Variants in RUFY4 observed in about 807,000 individuals in gnomAD.
RUFY4 encodes the protein RUN and FYVE domain-containing protein 4.
A neutral mutation model predicts 69.0 loss-of-function variants in RUFY4; 73 were observed. The ratio of observed to expected loss-of-function variants is 1.06; its 90% CI spans 0.88 to 1.29. The LOEUF (loss-of-function observed/expected upper bound fraction) is 1.29, where lower values mean the gene tolerates loss of function less well. RUFY4 is among the 50% of genes most tolerant of loss of function. The probability of loss-of-function intolerance (pLI) is 0.00; values close to 1 mark genes in which losing one functional copy is unlikely to be tolerated. For synonymous variants in RUFY4, 287 were observed against 271.8 expected (o/e 1.06, Z -0.55); for missense variants, 770 against 705.6 (o/e 1.09, Z -1.03).
upstream of RUFY4, among the ~76,000 whole-genome samples, chr2:218,069,900 T>C (rs1689440678): frequency 6.6e-6 from 1 of 151,920 alleles, no homozygotes; most frequent in Admixed American, 6.6e-5. Flanking sequence ...GAGGATGAGA[T>C]CCCCCTGGAG....
In RUFY4 at chr2:218,073,691, G is replaced by C. The variant is rs1314292510; in HGVS notation, c.531-125G>C. 4 of 1,024,166 alleles carry C rather than the reference G, an allele frequency of 3.9e-6. No individual in the cohort carries two copies. In the African/African-American group the frequency reaches 4.8e-5, roughly 12 times the overall value. The allele number at this position is 1,024,166 out of a possible 1,614,324, so 63.4% of individuals were successfully genotyped here. On this transcript the variant is annotated intron_variant, in intron 5 of 10. Coordinates refer to ENST00000344321, the Ensembl canonical transcript of RUFY4. Reference sequence around the variant, plus strand: ...TGGAGGATGGGATGCATGAGGGTGGGTGGGCAGGAAGGAGGAAGTGTCATG... The same window carrying C: ...TGGAGGATGGGATGCATGAGGGTGGCTGGGCAGGAAGGAGGAAGTGTCATG...
intron 8 of RUFY4, among the ~76,000 whole-genome samples, chr2:218,076,773 C>G (rs1212919098): frequency 6.6e-6 from 1 of 152,222 alleles, no homozygotes; most frequent in African/African-American, 2.4e-5. Flanking sequence ...AGGAAAGGCC[C>G]CGCCTCCTGG....
At chr2:218,066,531 T>G (rs900011549), upstream of RUFY4, among the ~76,000 whole-genome samples, 4 of 152,248 alleles carry the variant, frequency 2.6e-5, no homozygotes, top group African/African-American at 9.6e-5. Context: ...CATTTTGTGA[T>G]TGCAGGCCAG....
At chr2:218,079,798 A>G (rs1689719930) in intron 8 of RUFY4, among the ~76,000 whole-genome samples, 1 of 152,172 alleles carries the variant, frequency 6.6e-6, no homozygotes. Flanking sequence ...TTCCATGGAC[A>G]TTTAGTATGC....
intron 8 of RUFY4, among the ~76,000 whole-genome samples, chr2:218,078,204 TAAG>T (rs1326923043): frequency 1.3e-5 from 2 of 152,222 alleles, no homozygotes; most frequent in African/African-American, 4.8e-5. Context: ...GAATAAGTTC[TAAG>T]AAGAAGACAT....
At chr2:218,037,541 A>T (rs562021826) in intron 2 of RUFY4, among the ~76,000 whole-genome samples, 72 of 152,370 alleles carry the variant, frequency 4.7e-4, no homozygotes, top group Non-Finnish European at 8.5e-4. Context: ...GCAATTGACC[A>T]CAGAGGTTTT....
chr2:218,066,186 T>C (rs1689324854), upstream of RUFY4, among the ~76,000 whole-genome samples: 1 of 145,036 alleles, frequency 6.9e-6, no homozygotes, highest in African/African-American at 2.5e-5. Context: ...TCTTTTTTTT[T>C]TTTTTTTTTT....
chr2:218,049,731 C>T (rs1320809314), intron 2 of RUFY4, among the ~76,000 whole-genome samples: 6 of 152,202 alleles, frequency 3.9e-5, no homozygotes, highest in Admixed American at 2.6e-4. Flanking sequence ...TGGTCTTGAA[C>T]TCCTGACCTC....
intron 3 of RUFY4, chr2:218,061,127 GA>G: frequency 2.0e-6 from 1 of 500,830 alleles, no homozygotes; most frequent in Non-Finnish European, 4.0e-6. Flanking sequence ...CAATGTCAGG[GA>G]AAAGAACAGG....
upstream of RUFY4, among the ~76,000 whole-genome samples, chr2:218,065,277 G>A (rs1174239387): frequency 6.6e-6 from 1 of 152,188 alleles, no homozygotes; most frequent in Non-Finnish European, 1.5e-5. Flanking sequence ...GGGGGGAGAG[G>A]GAGGGGCAGA....
intron 9 of RUFY4, among the ~76,000 whole-genome samples, chr2:218,085,828 C>T (rs148004135): frequency 6.6e-6 from 1 of 152,306 alleles, no homozygotes; most frequent in African/African-American, 2.4e-5. Context: ...TAGCAGGTAG[C>T]TCCCTGCCCA....
chr2:218,086,745 G>C (rs973332377), intron 9 of RUFY4, among the ~76,000 whole-genome samples: 1 of 152,144 alleles, frequency 6.6e-6, no homozygotes, highest in African/African-American at 2.4e-5. Flanking sequence ...AAAAAAAATA[G>C]CTCTAGCCTA....
chr2:218,042,304 C>T (rs2106026644), intron 2 of RUFY4, among the ~76,000 whole-genome samples: 1 of 152,272 alleles, frequency 6.6e-6, no homozygotes, highest in East Asian at 1.9e-4. Context: ...TTCTTAAGAT[C>T]TTTAATTTTG....
intron 2 of RUFY4, among the ~76,000 whole-genome samples, chr2:218,037,569 G>C (rs1398575058): frequency 1.3e-5 from 2 of 152,178 alleles, no homozygotes; most frequent in African/African-American, 2.4e-5. Flanking sequence ...AGCTTGCTTT[G>C]TTGGAACTTT....
intron 5 of RUFY4, 92 bp downstream of exon 7, chr2:218,073,478 A>G: frequency 1.3e-6 from 2 of 1,500,110 alleles, no homozygotes; most frequent in East Asian, 2.5e-5. Flanking sequence ...CTCAGCCTCC[A>G]GCCCCATCTG....
intron 2 of RUFY4, among the ~76,000 whole-genome samples, chr2:218,039,852 C>T (rs967539916): frequency 3.4e-4 from 51 of 152,156 alleles, no homozygotes; most frequent in African/African-American, 8.9e-4. Context: ...AGCAAAGGAG[C>T]GTTCATTTTC....
chr2:218,083,288 A>G, intron 9 of RUFY4, 32 bp downstream of exon 11: 1 of 1,550,962 alleles, frequency 6.4e-7, no homozygotes. Flanking sequence ...AAGGGGAAAC[A>G]GATGGGGGAA....
chr2:218,045,302 A>C (rs187830764), intron 2 of RUFY4, among the ~76,000 whole-genome samples: 1 of 152,192 alleles, frequency 6.6e-6, no homozygotes, highest in Non-Finnish European at 1.5e-5. Flanking sequence ...GAACTTGCCC[A>C]TTTATGTCCT....
intron 2 of RUFY4, among the ~76,000 whole-genome samples, chr2:218,052,085 C>T (rs1203197909): frequency 6.6e-6 from 1 of 152,228 alleles, no homozygotes; most frequent in African/African-American, 2.4e-5. Context: ...CTACATGTGA[C>T]TTACAGGTCA....
Sources: allele counts gnomAD v4.1 joint callset (sites outside exome capture counted in the v4.1 genomes callset), GRCh38; gene constraint gnomAD v4.1.1; transcripts MANE v1.5; gene names NCBI Gene and HGNC (gene_info 2026-07-23, HGNC 2026-07-21).